The following CSMD1 variants were observed in gnomAD, a reference collection of about 807,000 sequenced individuals.
CSMD1 encodes CUB and Sushi multiple domains 1.
In CSMD1, 213 loss-of-function variants were observed where a neutral mutation model predicts 417.5. That is an observed-to-expected ratio of 0.51 (90% CI 0.46 to 0.57). The LOEUF (loss-of-function observed/expected upper bound fraction) is 0.57, where lower values mean the gene tolerates loss of function less well. CSMD1 is among the 20% of genes least tolerant of loss of function. The pLI, the probability that CSMD1 is intolerant of heterozygous loss-of-function variation, is 0.00. For missense variants in CSMD1, 6,923 were observed against 4,529.7 expected (o/e 1.53, Z -15.17); for synonymous variants, 2,862 against 1,736.8 (o/e 1.65, Z -16.11).
intron 3 of CSMD1, among the ~76,000 whole-genome samples, chr8:4,095,787 T>G (rs551858801): frequency 6.6e-6 from 1 of 152,236 alleles, no homozygotes; most frequent in Non-Finnish European, 1.5e-5. Context: ...TTCTAAGGTT[T>G]TATATATGTA....
At chr8:4,391,020 C>G (rs927477320) in intron 3 of CSMD1, among the ~76,000 whole-genome samples, 1 of 152,156 alleles carries the variant, frequency 6.6e-6, no homozygotes, top group Non-Finnish European at 1.5e-5. Flanking sequence ...TTCATTTTAT[C>G]CTAAGAATCA....
intron 1 of CSMD1, among the ~76,000 whole-genome samples, chr8:4,777,757 A>G (rs753037618): frequency 3.3e-5 from 5 of 152,202 alleles, no homozygotes; most frequent in East Asian, 1.9e-4. Context: ...ATACATGCAC[A>G]TGTATCTACA....
At chr8:4,749,538 T>C (rs1585039536) in intron 1 of CSMD1, among the ~76,000 whole-genome samples, 2 of 152,222 alleles carry the variant, frequency 1.3e-5, no homozygotes, top group Non-Finnish European at 2.9e-5. Context: ...TTTATTTTAC[T>C]CTAGACTTCT....
At chr8:4,187,773 C>T (rs1292296633) in intron 3 of CSMD1, among the ~76,000 whole-genome samples, 6 of 151,392 alleles carry the variant, frequency 4.0e-5, no homozygotes, top group African/African-American at 1.2e-4. Flanking sequence ...TTCACTCTCA[C>T]CATATAGTAA....
chr8:4,467,737 G>A (rs994154714), intron 2 of CSMD1, among the ~76,000 whole-genome samples: 10 of 152,140 alleles, frequency 6.6e-5, no homozygotes, highest in Admixed American at 4.6e-4. Flanking sequence ...CAATGGTAAA[G>A]CTAAAGCTAA....
At chr8:4,347,278 G>A (rs1800826418) in intron 3 of CSMD1, among the ~76,000 whole-genome samples, 2 of 151,984 alleles carry the variant, frequency 1.3e-5, no homozygotes. Context: ...TCTCACCTTG[G>A]CCCTCTCTAA....
chr8:3,120,920 A>G (rs1817167635), intron 41 of CSMD1, among the ~76,000 whole-genome samples: 1 of 152,210 alleles, frequency 6.6e-6, no homozygotes, highest in South Asian at 2.1e-4. Context: ...ATTTGCCACA[A>G]CTGTTTGGGA....
chr8:4,680,949 GAT>G (rs1563130243), intron 1 of CSMD1, among the ~76,000 whole-genome samples: 4 of 108,770 alleles, frequency 3.7e-5, no homozygotes, highest in South Asian at 6.4e-4. Flanking sequence ...TATCTATATT[GAT>G]GTGTGTGTGT....
intron 27 of CSMD1, among the ~76,000 whole-genome samples, chr8:3,228,614 A>C (rs1798653122): frequency 6.6e-6 from 1 of 152,198 alleles, no homozygotes; most frequent in South Asian, 2.1e-4. Context: ...CTAAGAGATG[A>C]TCTAACAGAA....
intron 3 of CSMD1, among the ~76,000 whole-genome samples, chr8:4,119,607 C>T (rs1585355130): frequency 6.6e-6 from 1 of 152,066 alleles, no homozygotes; most frequent in African/African-American, 2.4e-5. Context: ...GGGAGGAGAC[C>T]AGGACTTCTG....
intron 2 of CSMD1, among the ~76,000 whole-genome samples, chr8:4,556,742 A>G (rs922159235): frequency 2.0e-5 from 3 of 152,224 alleles, no homozygotes; most frequent in Non-Finnish European, 4.4e-5. Flanking sequence ...TGAGCATCGC[A>G]AAGTCGAAAA....
At chr8:4,865,763 C>T (rs945725696) in intron 1 of CSMD1, among the ~76,000 whole-genome samples, 1 of 151,796 alleles carries the variant, frequency 6.6e-6, no homozygotes, top group Non-Finnish European at 1.5e-5. Context: ...TCAACCCTAG[C>T]CCCAAACAAA....
rs571498157 is a variant in CSMD1, at chr8:4,191,349, T to C, written c.416-159250A>G. Among the ~76,000 whole-genome samples the C allele has an allele frequency of 2.6e-5, 4 of 152,018 alleles. 1 individual carries two copies. Among genetic ancestry groups the C allele is most frequent in the South Asian group, 4.2e-4 (2 of 4,812 alleles). On this transcript the variant is annotated intron_variant, in intron 3 of 69. Transcript: ENST00000635120. ...AGGCAGAGCCTGCAGTGAGCAGAGA[T>C]CGCGCCACTGCACTCCAGCCTGGGC...
intron 1 of CSMD1, among the ~76,000 whole-genome samples, chr8:4,777,355 A>T (rs1411910393): frequency 6.6e-6 from 1 of 152,132 alleles, no homozygotes; most frequent in Non-Finnish European, 1.5e-5. Context: ...GGTAGATGAG[A>T]TGTCTGGTTT....
chr8:3,580,245 A>C (rs1800325653), intron 9 of CSMD1, among the ~76,000 whole-genome samples: 1 of 152,190 alleles, frequency 6.6e-6, no homozygotes, highest in Non-Finnish European at 1.5e-5. Flanking sequence ...TGGACATATA[A>C]TGTCAGAAGG....
intron 7 of CSMD1, among the ~76,000 whole-genome samples, chr8:3,698,290 C>T (rs561006437): frequency 1.6e-4 from 24 of 152,294 alleles, no homozygotes; most frequent in Admixed American, 1.4e-3. Context: ...TTACAATCTA[C>T]TACATTTGTT....
intron 5 of CSMD1, among the ~76,000 whole-genome samples, chr8:3,787,115 C>G (rs996843476): frequency 6.6e-6 from 1 of 152,062 alleles, no homozygotes; most frequent in Non-Finnish European, 1.5e-5. Context: ...AACAACATAA[C>G]TCAAGAGGAA....
rs1004424447 is a variant in CSMD1, at chr8:4,536,876, G to C, written c.302+100466C>G. Among the ~76,000 whole-genome samples the C allele has an allele frequency of 2.6e-5, 4 of 152,152 alleles. No homozygotes were observed. The East Asian group carries it at 7.7e-4, about 29-fold the overall frequency. On this transcript the variant is annotated intron_variant, in intron 2 of 69. Coordinates refer to ENST00000635120, the MANE Select transcript of CSMD1 (RefSeq NM_033225.6). ...GCATTTTGCACAATAGTGCATCAGAGTGCCAGTTTCTCCAGACTCTCAGGG... is the reference window on the plus strand; with the variant it reads ...GCATTTTGCACAATAGTGCATCAGACTGCCAGTTTCTCCAGACTCTCAGGG...
At chr8:3,695,087 C>CGTGTGTGTGTGTGT (rs1276176981) in intron 7 of CSMD1, among the ~76,000 whole-genome samples, 12,500 of 145,438 alleles carry the variant, frequency 0.086, 589 homozygotes, top group African/African-American at 0.12. Flanking sequence ...GGAGGCCCTG[C>CGTGTGTGTGTGTGT]GTGTGTGTGT....
Sources: gnomAD v4.1 joint callset for allele counts (sites outside exome capture counted in the v4.1 genomes callset) on GRCh38, gnomAD v4.1.1 for gene constraint, MANE v1.5 for transcripts, NCBI Gene and HGNC (gene_info 2026-07-23, HGNC 2026-07-21) for gene names.